The following TNKS variants were observed in gnomAD, a reference collection of about 807,000 sequenced individuals.
TNKS encodes poly [ADP-ribose] polymerase tankyrase-1.
In TNKS, 72 loss-of-function variants were observed where a neutral mutation model predicts 135.8. That is an observed-to-expected ratio of 0.53 (90% CI 0.44 to 0.64). TNKS has a LOEUF of 0.64. Among genes scored for constraint, TNKS ranks in the 30% least tolerant of loss-of-function variants. The pLI, the probability that TNKS is intolerant of heterozygous loss-of-function variation, is 0.00. For synonymous variants in TNKS, 849 were observed against 649.3 expected (o/e 1.31, Z -4.68); for missense variants, 1,769 against 1,674.0 (o/e 1.06, Z -0.99).
chr8:9,564,004 TC>T (rs1208325483), intron 1 of TNKS, among the ~76,000 whole-genome samples: 2 of 152,214 alleles, frequency 1.3e-5, no homozygotes, highest in Middle Eastern at 3.2e-3. Context: ...CTAGAATAGA[TC>T]AAGTCTCTCA....
At chr8:9,594,840 G>C (rs949811258) in intron 2 of TNKS, among the ~76,000 whole-genome samples, 11 of 152,148 alleles carry the variant, frequency 7.2e-5, no homozygotes, top group Non-Finnish European at 1.2e-4. Flanking sequence ...GAAAGCCACA[G>C]CTTCTTAATA....
chr8:9,654,539 A>T (rs1801273885), intron 3 of TNKS, among the ~76,000 whole-genome samples: 1 of 152,246 alleles, frequency 6.6e-6, no homozygotes, highest in Non-Finnish European at 1.5e-5. Flanking sequence ...TTGCAAACTT[A>T]ACCAAAAAGA....
intron 1 of TNKS, among the ~76,000 whole-genome samples, chr8:9,567,223 C>G (rs1258225113): frequency 6.6e-6 from 1 of 152,178 alleles, no homozygotes; most frequent in African/African-American, 2.4e-5. Context: ...CAGTCCTTCT[C>G]TTAGGCATTT....
At chr8:9,579,363 C>T (rs1798079686) in intron 1 of TNKS, among the ~76,000 whole-genome samples, 2 of 152,206 alleles carry the variant, frequency 1.3e-5, no homozygotes, top group Non-Finnish European at 1.5e-5. Flanking sequence ...CAAGCGTTCA[C>T]CATGTGTTTC....
At chr8:9,610,895 T>C (rs907586215) in intron 2 of TNKS, among the ~76,000 whole-genome samples, 1 of 152,216 alleles carries the variant, frequency 6.6e-6, no homozygotes, top group Non-Finnish European at 1.5e-5. Flanking sequence ...GAATGAGTCT[T>C]TGTATGAATG....
chr8:9,756,977 T>G (rs548722221), intron 20 of TNKS, among the ~76,000 whole-genome samples: 9 of 151,986 alleles, frequency 5.9e-5, no homozygotes, highest in Admixed American at 2.0e-4. Flanking sequence ...GTTTGTTTTT[T>G]TTTGTTTGTT....
intron 3 of TNKS, among the ~76,000 whole-genome samples, chr8:9,632,488 T>C (rs1390921525): frequency 6.6e-6 from 1 of 152,214 alleles, no homozygotes; most frequent in African/African-American, 2.4e-5. Context: ...ACAATTCATC[T>C]TCTTACCGTT....
At chr8:9,756,271 C>G (rs1204392210) in intron 20 of TNKS, among the ~76,000 whole-genome samples, 2 of 151,954 alleles carry the variant, frequency 1.3e-5, no homozygotes, top group African/African-American at 4.8e-5. Flanking sequence ...TCCTGCTGTA[C>G]CATACAACCT....
At chr8:9,705,456 AAG>A in intron 6 of TNKS, among the ~76,000 whole-genome samples, 1 of 152,200 alleles carries the variant, frequency 6.6e-6, no homozygotes, top group Non-Finnish European at 1.5e-5. Context: ...CAGCATAAAG[AAG>A]AGATGCCCTA....
chr8:9,617,267 G>A (rs1349809351), intron 3 of TNKS, among the ~76,000 whole-genome samples: 1 of 152,152 alleles, frequency 6.6e-6, no homozygotes, highest in Admixed American at 6.5e-5. Context: ...CAAGATTCCT[G>A]GAGGACAGAT....
Position 9,556,120 on chromosome 8 carries a change from C to T in TNKS, c.181C>T (p.His61Tyr), listed in dbSNP as rs752379166. 5 of 1,601,652 alleles carry T rather than the reference C, an allele frequency of 3.1e-6. No individual in the cohort carries two copies. The Admixed American group carries it at 5.1e-5, about 16-fold the overall frequency. ...CCTGGCCCCCTTCGCCTCCCCGCGG[C>T]ACGGCCTAGCGCTGCCGGAGGGGGA... ...SGLAPFASPR[H>Y]GLALPEGDGS... Residue 61 changes from histidine (H) to tyrosine (Y), a missense_variant, in exon 1 of 27, where the codon CAC becomes TAC. His to Tyr is a moderately conservative substitution (Grantham distance 83). This residue lies in a region of TNKS where 450 missense variants were observed against 304.9 expected (regional missense o/e 1.48). Transcript: ENST00000310430.
chr8:9,556,548 C>CA lies in TNKS; in HGVS notation c.609_610insA (p.Ala204SerfsTer38). On this transcript the variant is annotated frameshift_variant, in exon 1 of 27. Coordinates refer to ENST00000310430, the MANE Select transcript of TNKS (RefSeq NM_003747.3). LOFTEE classifies it high-confidence loss of function. Reference sequence around the variant, plus strand: ...TGTCCCGGGTAAAGAGGCTGGTGGACGCGGCAAACGTAAATGCAAAGGACA... The same window carrying CA: ...TGTCCCGGGTAAAGAGGCTGGTGGACAGCGGCAAACGTAAATGCAAAGGACA... The CA allele has an allele frequency of 1.2e-6, 2 of 1,614,130 alleles. No individual in the cohort carries two copies. The highest frequency in any genetic ancestry group is 1.7e-6 in the Non-Finnish European group (2 of 1,180,038).
chr8:9,579,667 C>T (rs897496894), intron 1 of TNKS, among the ~76,000 whole-genome samples: 1 of 152,118 alleles, frequency 6.6e-6, no homozygotes, highest in African/African-American at 2.4e-5. Context: ...CGGGGTATCA[C>T]CATGTTGGCC....
At chr8:9,704,437 T>C (rs980327388) in intron 5 of TNKS, among the ~76,000 whole-genome samples, 1 of 152,120 alleles carries the variant, frequency 6.6e-6, no homozygotes, top group Middle Eastern at 3.2e-3. Flanking sequence ...TGATTACTGA[T>C]GGCCTTAAAA....
At chr8:9,716,308 C>T (rs964101698) in intron 11 of TNKS, among the ~76,000 whole-genome samples, 6 of 151,922 alleles carry the variant, frequency 3.9e-5, no homozygotes, top group Non-Finnish European at 8.8e-5. Context: ...AGATTGTTAG[C>T]GCAAAGATGT....
intron 17 of TNKS, chr8:9,741,609 G>A (rs969070377): frequency 9.5e-6 from 4 of 421,522 alleles, no homozygotes; most frequent in Admixed American, 4.3e-5. Flanking sequence ...TGTCACAGAG[G>A]ATAAAGGAAA....
At chr8:9,676,503 C>G (rs970161814) in intron 3 of TNKS, among the ~76,000 whole-genome samples, 2 of 152,176 alleles carry the variant, frequency 1.3e-5, no homozygotes, top group African/African-American at 2.4e-5. Flanking sequence ...GTAATCATGA[C>G]TTCTCCTTAG....
intron 3 of TNKS, among the ~76,000 whole-genome samples, chr8:9,676,384 C>A (rs975671688): frequency 1.3e-5 from 2 of 152,088 alleles, no homozygotes; most frequent in South Asian, 4.1e-4. Flanking sequence ...CCATGCTATT[C>A]CATCTCAACA....
Position 9,580,379 on chromosome 8 carries a change from C to T in TNKS, c.894C>T (p.Cys298=), listed in dbSNP as rs1798121239. Reference sequence around the variant, plus strand: ...CTATTAAAGGGAAGATCGATGTGTGCATTGGTAAGTATCATTTGATGATAT... The same window carrying T: ...CTATTAAAGGGAAGATCGATGTGTGTATTGGTAAGTATCATTTGATGATAT... ...EAAIKGKIDV[C]IVLLQHGADP... Residue 298 remains cysteine (C), a synonymous_variant, in exon 2 of 27, where the codon TGC becomes TGT. Coordinates refer to ENST00000310430, the MANE Select transcript of TNKS (RefSeq NM_003747.3). 1 of 1,613,104 alleles carries T rather than the reference C, an allele frequency of 6.2e-7. No homozygotes were observed. The highest frequency in any genetic ancestry group is 1.3e-5 in the African/African-American group (1 of 74,894).
Sources: gnomAD v4.1 joint callset for allele counts (sites outside exome capture counted in the v4.1 genomes callset) on GRCh38, gnomAD v4.1.1 for gene constraint, gnomAD v4.1.1 regional missense constraint, MANE v1.5 for transcripts, NCBI Gene and HGNC (gene_info 2026-07-23, HGNC 2026-07-21) for gene names.